Variants in IPO11 observed in about 807,000 individuals in gnomAD.
IPO11 encodes importin 11, also known as importin-11.
IPO11 carries 66 observed loss-of-function variants against 143.2 expected under a neutral mutation model. The ratio of observed to expected loss-of-function variants is 0.46; its 90% CI spans 0.38 to 0.57. The LOEUF (loss-of-function observed/expected upper bound fraction) is 0.57. Ranked by LOEUF, IPO11 falls within the 20% of genes least tolerant of loss-of-function variation. The pLI is 0.00. For synonymous variants in IPO11, 385 were observed against 377.8 expected (o/e 1.02, Z -0.22); for missense variants, 1,026 against 1,141.0 (o/e 0.90, Z 1.45).
intron 29 of IPO11, among the ~76,000 whole-genome samples, chr5:62,603,242 G>T (rs1016446378): frequency 1.4e-4 from 21 of 152,176 alleles, no homozygotes; most frequent in Non-Finnish European, 2.8e-4. Flanking sequence ...GTTTAAGAAA[G>T]ATTAATGAAA....
chr5:62,566,310 T>A (rs914697014), intron 27 of IPO11, among the ~76,000 whole-genome samples: 2 of 152,216 alleles, frequency 1.3e-5, no homozygotes, highest in African/African-American at 2.4e-5. Context: ...GACTTTTTAA[T>A]AATCGCCATT....
At chr5:62,586,219 G>A (rs1476423830) in intron 27 of IPO11, among the ~76,000 whole-genome samples, 1 of 152,100 alleles carries the variant, frequency 6.6e-6, no homozygotes, top group Admixed American at 6.5e-5. Flanking sequence ...GAAGTTGTTA[G>A]TTTAATTACA....
chr5:62,442,137 C>T (rs984891040), intron 2 of IPO11, among the ~76,000 whole-genome samples: 3 of 152,152 alleles, frequency 2.0e-5, no homozygotes, highest in Admixed American at 6.5e-5. Context: ...AGCTACCGCG[C>T]CCAGCTTTAT....
At chr5:62,531,662 C>CTATT (rs1206631210) in intron 22 of IPO11, among the ~76,000 whole-genome samples, 1 of 152,176 alleles carries the variant, frequency 6.6e-6, no homozygotes, top group African/African-American at 2.4e-5. Flanking sequence ...AATAGACTCA[C>CTATT]TCTTTGTAAA....
intron 1 of IPO11, among the ~76,000 whole-genome samples, chr5:62,430,704 A>G (rs571243539): frequency 6.7e-6 from 1 of 148,208 alleles, no homozygotes; most frequent in Non-Finnish European, 1.5e-5. Context: ...TTTGAGACAG[A>G]GCCTTGTTCT....
intron 1 of IPO11, among the ~76,000 whole-genome samples, chr5:62,426,292 C>T (rs1355330449): frequency 6.6e-6 from 1 of 152,146 alleles, no homozygotes; most frequent in African/African-American, 2.4e-5. Flanking sequence ...GAGGCTGAGG[C>T]AGGAGATTTG....
At chr5:62,520,842 G>T (rs112331101) in intron 20 of IPO11, among the ~76,000 whole-genome samples, 14,025 of 152,296 alleles carry the variant, frequency 0.092, 659 homozygotes, top group South Asian at 0.15. Context: ...ATAGCAGCAT[G>T]ATTTATAATC....
chr5:62,566,247 A>G (rs1481584702), intron 27 of IPO11, among the ~76,000 whole-genome samples: 3 of 152,184 alleles, frequency 2.0e-5, no homozygotes, highest in African/African-American at 4.8e-5. Flanking sequence ...TCTCACCAAC[A>G]GTGTAAAAGC....
Position 62,550,403 on chromosome 5 carries a change from G to C in IPO11, c.2287G>C (p.Gly763Arg). Residue 763 changes from glycine (G) to arginine (R), a missense_variant, in exon 25 of 30, where the codon GGT becomes CGT. Gly to Arg is a moderately radical substitution (Grantham distance 125). This residue lies in a region of IPO11 where 351 missense variants were observed against 358.9 expected (regional missense o/e 0.98). Transcript: ENST00000325324. ...ENALKVNPIL[G>R]PQMFQPILPY... Reference sequence around the variant, plus strand: ...TGCCCTTAAAGTGAACCCAATACTAGGTCCACAAATGTTTCAACCGATTTT... The same window carrying C: ...TGCCCTTAAAGTGAACCCAATACTACGTCCACAAATGTTTCAACCGATTTT... The C allele has an allele frequency of 3.7e-6, 6 of 1,612,512 alleles. No individual in the cohort carries two copies. The highest frequency in any genetic ancestry group is 5.1e-6 in the Non-Finnish European group (6 of 1,179,114).
At chr5:62,491,011 C>T (rs1366690544) in intron 15 of IPO11, among the ~76,000 whole-genome samples, 1 of 152,148 alleles carries the variant, frequency 6.6e-6, no homozygotes, top group East Asian at 1.9e-4. Context: ...AAACCTCTTT[C>T]ATAGTTTATA....
At chr5:62,447,519 A>G (rs1310399712) in intron 3 of IPO11, among the ~76,000 whole-genome samples, 2 of 151,788 alleles carry the variant, frequency 1.3e-5, no homozygotes, top group African/African-American at 4.8e-5. Flanking sequence ...TTATTCTTGT[A>G]CAAGGTGCTT....
chr5:62,426,275 T>C (rs1467050480), intron 1 of IPO11, among the ~76,000 whole-genome samples: 1 of 152,142 alleles, frequency 6.6e-6, no homozygotes, highest in African/African-American at 2.4e-5. Flanking sequence ...TAATCCCAGC[T>C]ACTTGGGAGG....
rs1356734908 is a variant in IPO11 at position 62,580,232 on chromosome 5, G to A, written c.2583-11345G>A. On this transcript the variant is annotated intron_variant, in intron 27 of 29. Transcript: ENST00000325324. ...CTCCTCCTGAAAAATTCAAGAATTA[G>A]GAATGTTACTAGGGATGGGTTTAGT... The A allele has an allele frequency of 7.1e-6, 11 of 1,549,896 alleles. No homozygotes were observed. The highest frequency in any genetic ancestry group is 1.4e-5 in the African/African-American group (1 of 72,936).
chr5:62,558,063 T>C (rs1347805063), intron 26 of IPO11, among the ~76,000 whole-genome samples: 1 of 152,264 alleles, frequency 6.6e-6, no homozygotes, highest in East Asian at 1.9e-4. Context: ...AAATTAATTA[T>C]AAATTCTGCA....
chr5:62,478,908 T>G (rs1746071193), intron 9 of IPO11, among the ~76,000 whole-genome samples: 1 of 152,212 alleles, frequency 6.6e-6, no homozygotes, highest in South Asian at 2.1e-4. Flanking sequence ...ACACATGCAA[T>G]GTGACACACA....
At chr5:62,542,250 ATGTT>A (rs1742981542) in intron 24 of IPO11, among the ~76,000 whole-genome samples, 1 of 152,050 alleles carries the variant, frequency 6.6e-6, no homozygotes, top group Non-Finnish European at 1.5e-5. Context: ...CTAAATCTGT[ATGTT>A]TGGTTTAAAA....
chr5:62,533,268 A>G (rs1231145669), intron 22 of IPO11, among the ~76,000 whole-genome samples: 2 of 148,878 alleles, frequency 1.3e-5, no homozygotes, highest in Non-Finnish European at 3.0e-5. Flanking sequence ...CTGGCGTGCA[A>G]TGGTGCAATC....
intron 27 of IPO11, chr5:62,581,268 T>C: frequency 1.3e-6 from 2 of 1,538,096 alleles, no homozygotes; most frequent in Middle Eastern, 1.7e-4. Flanking sequence ...TTCCTGAAAA[T>C]GAGGCACAGG....
intron 27 of IPO11, among the ~76,000 whole-genome samples, chr5:62,568,120 C>T (rs1580333640): frequency 6.6e-6 from 1 of 151,802 alleles, no homozygotes; most frequent in South Asian, 2.1e-4. Context: ...TGCATACCAC[C>T]ACACCTGGCT....
Sources: gnomAD v4.1 joint callset for allele counts (sites outside exome capture counted in the v4.1 genomes callset) on GRCh38, gnomAD v4.1.1 for gene constraint, gnomAD v4.1.1 regional missense constraint, MANE v1.5 for transcripts, NCBI Gene and HGNC (gene_info 2026-07-23, HGNC 2026-07-21) for gene names.